The following MARCHF6 variants were observed in gnomAD, a reference collection of about 807,000 sequenced individuals.
The protein encoded by MARCHF6 is E3 ubiquitin-protein ligase MARCHF6.
MARCHF6 carries 31 observed loss-of-function variants against 133.7 expected under a neutral mutation model. The observed-to-expected ratio is 0.23, with a 90% CI of 0.17 to 0.31. MARCHF6 has a LOEUF of 0.31. MARCHF6 is among the 10% of genes least tolerant of loss of function. The pLI, the probability that MARCHF6 is intolerant of heterozygous loss-of-function variation, is 1.00. For synonymous variants in MARCHF6, 395 were observed against 402.5 expected (o/e 0.98, Z 0.22); for missense variants, 723 against 1,121.6 (o/e 0.64, Z 5.08).
chr5:10,428,785 G>A (rs1362893125), intron 24 of MARCHF6, among the ~76,000 whole-genome samples: 1 of 151,976 alleles, frequency 6.6e-6, no homozygotes, highest in Non-Finnish European at 1.5e-5. Context: ...CCCATTAATA[G>A]TATATAGACT....
chr5:10,381,838 G>C lies in MARCHF6; in HGVS notation c.229G>C (p.Asp77His). 1 of 1,610,570 alleles carries C rather than the reference G, an allele frequency of 6.2e-7. No homozygotes were observed. The highest frequency in any genetic ancestry group is 8.5e-7 in the Non-Finnish European group (1 of 1,178,662). The change falls in exon 4 of 26, where the codon GAC becomes CAC. Residue 77 changes from aspartate to histidine, a missense_variant. Coordinates refer to ENST00000274140, the MANE Select transcript of MARCHF6 (RefSeq NM_005885.4). ...TATGCCTTCACGGCTTCCAATTCAA[G>C]ACATATTTGCTGGACTGGTTACAAG... The part of the protein sequence containing the change: ...PDMPSRLPIQ[D>H]IFAGLVTSIG...
At chr5:10,422,216 C>T (rs1326766597) in intron 22 of MARCHF6, among the ~76,000 whole-genome samples, 2 of 151,880 alleles carry the variant, frequency 1.3e-5, no homozygotes, top group African/African-American at 2.4e-5. Context: ...AAGCACTGGG[C>T]AAAACGGAAG....
chr5:10,388,064 C>G (rs1326290943), intron 5 of MARCHF6, among the ~76,000 whole-genome samples: 1 of 152,168 alleles, frequency 6.6e-6, no homozygotes, highest in Non-Finnish European at 1.5e-5. Flanking sequence ...AAGAACTTGC[C>G]TGTAGTTACT....
At chr5:10,427,405 C>A (rs1740143242) in intron 24 of MARCHF6, among the ~76,000 whole-genome samples, 1 of 152,268 alleles carries the variant, frequency 6.6e-6, no homozygotes, top group East Asian at 1.9e-4. Context: ...TTAATGCAGT[C>A]CAACCTTTTG....
intron 1 of MARCHF6, among the ~76,000 whole-genome samples, chr5:10,358,457 C>A (rs1735614407): frequency 6.6e-6 from 1 of 151,990 alleles, no homozygotes; most frequent in African/African-American, 2.4e-5. Context: ...ATGGAAAATA[C>A]TTGGAAAAAA....
chr5:10,418,313 G>A (rs921497387), intron 22 of MARCHF6, among the ~76,000 whole-genome samples: 14 of 151,626 alleles, frequency 9.2e-5, no homozygotes, highest in Middle Eastern at 6.8e-3. Context: ...CTGGGAGGCC[G>A]CGGTTGCAGT....
At chr5:10,426,226 G>A (rs1214035697) in intron 23 of MARCHF6, among the ~76,000 whole-genome samples, 164 bp from the exon 24 acceptor site, 1 of 152,162 alleles carries the variant, frequency 6.6e-6, no homozygotes, top group Non-Finnish European at 1.5e-5. Flanking sequence ...GAAACTCGTG[G>A]GCACTATGCT....
intron 8 of MARCHF6, among the ~76,000 whole-genome samples, chr5:10,394,472 T>C (rs984899033): frequency 1.7e-4 from 26 of 152,322 alleles, no homozygotes; most frequent in African/African-American, 6.3e-4. Flanking sequence ...TATGAAGTAA[T>C]CTTAATTAGC....
At chr5:10,431,090 T>C (rs1256819122) in intron 25 of MARCHF6, among the ~76,000 whole-genome samples, 1 of 152,230 alleles carries the variant, frequency 6.6e-6, no homozygotes, top group Non-Finnish European at 1.5e-5. Flanking sequence ...CAACAAATTA[T>C]AGAGTTACCT....
At chr5:10,379,038 C>T (rs975721808) in intron 3 of MARCHF6, among the ~76,000 whole-genome samples, 2 of 151,456 alleles carry the variant, frequency 1.3e-5, no homozygotes, top group African/African-American at 2.4e-5. Context: ...TGTCTTTTAT[C>T]ACACACATGT....
chr5:10,390,378 T>G lies in MARCHF6; in HGVS notation c.454T>G (p.Cys152Gly). Residue 152 changes from cysteine to glycine, a missense_variant, in exon 6 of 26, where the codon TGC becomes GGC. By Grantham distance (159) the Cys-to-Gly change is radical. This residue lies in a region of MARCHF6 where 91 missense variants were observed against 208.8 expected (regional missense o/e 0.44). Coordinates refer to ENST00000274140, the MANE Select transcript of MARCHF6 (RefSeq NM_005885.4). ...DCLQGCFVVT[C>G]TLCAFISLVW... ...TTTGCAGGGTTGTTTTGTGGTGACGTGCACACTGTGTGCATTCATCAGCCT... is the reference window on the plus strand; with the variant it reads ...TTTGCAGGGTTGTTTTGTGGTGACGGGCACACTGTGTGCATTCATCAGCCT... 6.2e-7 allele frequency: 1 copy of G among 1,614,076 alleles called. No homozygotes were observed. The highest frequency in any genetic ancestry group is 8.5e-7 in the Non-Finnish European group (1 of 1,180,010).
At chr5:10,355,448 CT>C (rs1269349619) in intron 1 of MARCHF6, among the ~76,000 whole-genome samples, 5 of 152,140 alleles carry the variant, frequency 3.3e-5, no homozygotes, top group Non-Finnish European at 7.3e-5. Flanking sequence ...TACTTGCATA[CT>C]TTTATGGTGT....
intron 24 of MARCHF6, among the ~76,000 whole-genome samples, chr5:10,428,185 C>G (rs564073976): frequency 6.6e-6 from 1 of 152,288 alleles, no homozygotes; most frequent in East Asian, 1.9e-4. Flanking sequence ...AGTGTGCAAA[C>G]TGCATCATTT....
intron 1 of MARCHF6, among the ~76,000 whole-genome samples, chr5:10,375,973 A>G (rs570506471): frequency 6.6e-6 from 1 of 152,010 alleles, no homozygotes; most frequent in Non-Finnish European, 1.5e-5. Context: ...GACGTGGAGA[A>G]CCTTTGTATC....
In MARCHF6 at chr5:10,433,791, A is replaced by G. The variant is rs547153194; in HGVS notation, c.*107A>G. 586 of 902,176 alleles carry G rather than the reference A, an allele frequency of 6.5e-4. 2 individuals are homozygous for G. Among genetic ancestry groups the G allele is most frequent in the Non-Finnish European group, 1.0e-3 (561 of 557,888 alleles). 55.9% of individuals were successfully genotyped at this position (902,176 alleles called of 1,614,324 possible). A position where few individuals can be genotyped will look rare whatever the true frequency, so the allele number is the denominator to read the frequency against. ...TCTCTCAGCGTTGTTTTTAAGTTAAATGTATTTGACTTGTGTTCTCAGCAT... is the reference window on the plus strand; with the variant it reads ...TCTCTCAGCGTTGTTTTTAAGTTAAGTGTATTTGACTTGTGTTCTCAGCAT... On this transcript the variant is annotated 3_prime_UTR_variant, in exon 26 of 26. Transcript: ENST00000274140.
intron 1 of MARCHF6, among the ~76,000 whole-genome samples, chr5:10,369,355 T>A (rs1297904950): frequency 6.6e-6 from 1 of 152,230 alleles, no homozygotes; most frequent in Admixed American, 6.5e-5. Flanking sequence ...GGGTGTACAC[T>A]TCAATCTACA....
intron 15 of MARCHF6, 89 bp from the exon 16 acceptor site, chr5:10,405,469 A>T: frequency 8.9e-7 from 1 of 1,117,822 alleles, no homozygotes. Context: ...GAATAATTCT[A>T]AGTGCTTATC....
At chr5:10,359,184 T>G (rs1735661980) in intron 1 of MARCHF6, among the ~76,000 whole-genome samples, 1 of 152,170 alleles carries the variant, frequency 6.6e-6, no homozygotes, top group African/African-American at 2.4e-5. Flanking sequence ...TGCCACTAAG[T>G]GATGCTGGAA....
chr5:10,361,184 A>G (rs1361046412), intron 1 of MARCHF6, among the ~76,000 whole-genome samples: 1 of 152,260 alleles, frequency 6.6e-6, no homozygotes, highest in African/African-American at 2.4e-5. Context: ...TTAATAGAAC[A>G]TAGTAATTGA....
Sources: gnomAD v4.1 joint callset for allele counts (sites outside exome capture counted in the v4.1 genomes callset) on GRCh38, gnomAD v4.1.1 for gene constraint, gnomAD v4.1.1 regional missense constraint, MANE v1.5 for transcripts, NCBI Gene and HGNC (gene_info 2026-07-23, HGNC 2026-07-21) for gene names.